The following WWOX variants were observed in gnomAD, a reference collection of about 807,000 sequenced individuals.
The protein encoded by WWOX is WW domain-containing oxidoreductase.
In WWOX, 69 loss-of-function variants were observed where a neutral mutation model predicts 46.2. The observed-to-expected ratio is 1.49, with a 90% confidence interval of 1.23 to 1.82. The LOEUF (loss-of-function observed/expected upper bound fraction) is 1.82. Ranked by LOEUF, WWOX falls within the 40% of genes most tolerant of loss-of-function variation. The pLI, the probability that WWOX is intolerant of heterozygous loss-of-function variation, is 0.00. For synonymous variants in WWOX, 359 were observed against 202.6 expected (o/e 1.77, Z -6.56); for missense variants, 919 against 542.6 (o/e 1.69, Z -6.89).
chr16:78,792,923 G>C (rs2737302), intron 8 of WWOX, among the ~76,000 whole-genome samples: 89,752 of 152,084 alleles, frequency 0.59, 30,306 homozygotes, highest in Middle Eastern at 0.76. Flanking sequence ...GAAAGACGCA[G>C]ACCCAAACCT....
intron 8 of WWOX, among the ~76,000 whole-genome samples, chr16:78,617,876 A>G (rs1261877583): frequency 6.6e-6 from 1 of 152,210 alleles, no homozygotes; most frequent in Non-Finnish European, 1.5e-5. Context: ...CAAAATATGA[A>G]TCTATCTTTG....
chr16:78,972,143 G>A (rs1470703706), intron 8 of WWOX, among the ~76,000 whole-genome samples: 1 of 152,182 alleles, frequency 6.6e-6, no homozygotes, highest in Non-Finnish European at 1.5e-5. Flanking sequence ...GGAAGCTTGG[G>A]GCAGGTGGCA....
intron 8 of WWOX, among the ~76,000 whole-genome samples, chr16:78,718,935 C>G (rs115805048): frequency 6.6e-6 from 1 of 151,888 alleles, no homozygotes; most frequent in South Asian, 2.1e-4. Context: ...GCATCTGGGG[C>G]TCTCTTGAAA....
intron 8 of WWOX, among the ~76,000 whole-genome samples, chr16:78,723,534 C>T (rs543700801): frequency 1.5e-4 from 23 of 152,000 alleles, no homozygotes; most frequent in African/African-American, 5.6e-4. Context: ...TCCCACACTT[C>T]TTCTACCTTG....
chr16:79,122,177 C>G (rs777520400), intron 8 of WWOX, among the ~76,000 whole-genome samples: 11 of 152,150 alleles, frequency 7.2e-5, no homozygotes, highest in Non-Finnish European at 1.3e-4. Flanking sequence ...CCACTTGCTT[C>G]TAAACCTCTG....
chr16:78,448,626 A>T (rs753678646), intron 8 of WWOX, among the ~76,000 whole-genome samples: 1 of 152,210 alleles, frequency 6.6e-6, no homozygotes, highest in Non-Finnish European at 1.5e-5. Context: ...AGCATGGCTC[A>T]CAAATTCACA....
chr16:79,154,007 A>G (rs1483959423), intron 8 of WWOX, among the ~76,000 whole-genome samples: 1 of 152,206 alleles, frequency 6.6e-6, no homozygotes, highest in Non-Finnish European at 1.5e-5. Context: ...AGAATTTGGG[A>G]GAAAAAGGAG....
chr16:78,534,027 G>A (rs377410794), intron 8 of WWOX, among the ~76,000 whole-genome samples: 10 of 152,278 alleles, frequency 6.6e-5, no homozygotes, highest in African/African-American at 2.4e-4. Flanking sequence ...ATGGGTAAGA[G>A]AGTTCTCAGA....
intron 8 of WWOX, chr16:78,506,619 A>G (rs1026521082): frequency 6.0e-5 from 9 of 150,640 alleles, no homozygotes; most frequent in African/African-American, 2.0e-4. Context: ...TGTGGTGATT[A>G]ATTATTACCT....
chr16:79,176,013 A>G (rs1367471471), intron 8 of WWOX, among the ~76,000 whole-genome samples: 1 of 152,172 alleles, frequency 6.6e-6, no homozygotes, highest in Non-Finnish European at 1.5e-5. Flanking sequence ...TACCTGCTCT[A>G]TGAAACTGGA....
rs140238489 is a variant in WWOX, at chr16:79,094,424, G to T, written c.1057-117184G>T. ...GCCACCATGTCCAGCTAATTTTTTT[G>T]TATTTTTAGTGGAGACTGGGTTTCA... On this transcript the variant is annotated intron_variant, in intron 8 of 8. Coordinates refer to ENST00000566780, the MANE Select transcript of WWOX (RefSeq NM_016373.4). 5.0e-3 allele frequency among the ~76,000 whole-genome samples: 752 copies of T among 151,888 alleles called. 8 individuals are homozygous for T. The highest frequency in any genetic ancestry group is 0.018 in the African/African-American group (730 of 41,416).
chr16:79,103,160 A>G (rs114213169), intron 8 of WWOX, among the ~76,000 whole-genome samples: 1 of 152,120 alleles, frequency 6.6e-6, no homozygotes, highest in Non-Finnish European at 1.5e-5. Context: ...GCCCGTTTTC[A>G]TCCCTCCTCT....
At chr16:78,664,350 C>T (rs934881946) in intron 8 of WWOX, among the ~76,000 whole-genome samples, 1 of 152,158 alleles carries the variant, frequency 6.6e-6, no homozygotes, top group African/African-American at 2.4e-5. Flanking sequence ...TTTATGTGTG[C>T]TGCGTGAGTG....
chr16:78,914,684 C>A (rs774168661), intron 8 of WWOX, among the ~76,000 whole-genome samples: 10 of 151,616 alleles, frequency 6.6e-5, no homozygotes, highest in African/African-American at 1.9e-4. Flanking sequence ...TCCAGACTAT[C>A]CTGGCTAACA....
intron 8 of WWOX, among the ~76,000 whole-genome samples, chr16:78,812,971 G>A (rs928183759): frequency 4.6e-5 from 7 of 152,012 alleles, no homozygotes; most frequent in African/African-American, 1.7e-4. Context: ...TAAGAATTTT[G>A]TTATGAATCT....
chr16:79,068,767 C>T (rs1048683456), intron 8 of WWOX, among the ~76,000 whole-genome samples: 2 of 151,290 alleles, frequency 1.3e-5, no homozygotes, highest in Admixed American at 6.6e-5. Flanking sequence ...GATATGACCT[C>T]ACCACTGCCC....
At chr16:78,366,722 T>A (rs79659966) in intron 5 of WWOX, among the ~76,000 whole-genome samples, 2,215 of 152,294 alleles carry the variant, frequency 0.015, 55 homozygotes, top group African/African-American at 0.051. Context: ...AAATGCTTAC[T>A]ATCTGGCCCT....
intron 5 of WWOX, among the ~76,000 whole-genome samples, chr16:78,187,464 G>A (rs1189647386): frequency 1.3e-5 from 2 of 152,170 alleles, no homozygotes; most frequent in Non-Finnish European, 2.9e-5. Context: ...TTAGCTGGCC[G>A]TGGTGGTGTG....
At chr16:78,810,486 C>G (rs1157554543) in intron 8 of WWOX, among the ~76,000 whole-genome samples, 2 of 152,140 alleles carry the variant, frequency 1.3e-5, no homozygotes, top group African/African-American at 4.8e-5. Context: ...TATGGGAACC[C>G]CCTGTATCAC....
Sources: gnomAD v4.1 joint callset for allele counts (sites outside exome capture counted in the v4.1 genomes callset) on GRCh38, gnomAD v4.1.1 for gene constraint, MANE v1.5 for transcripts, NCBI Gene and HGNC (gene_info 2026-07-23, HGNC 2026-07-21) for gene names.